The following CROCC variants were observed in gnomAD, a reference collection of about 807,000 sequenced individuals.
CROCC encodes rootletin.
In CROCC, 180 loss-of-function variants were observed where a neutral mutation model predicts 245.2. The ratio of observed to expected loss-of-function variants is 0.73; its 90% confidence interval spans 0.65 to 0.83. The LOEUF (loss-of-function observed/expected upper bound fraction) is 0.83. Among genes scored for constraint, CROCC ranks in the 40% least tolerant of loss-of-function variants. The probability of loss-of-function intolerance (pLI) is 0.00; values close to 1 mark genes in which losing one functional copy is unlikely to be tolerated. For synonymous variants in CROCC, 1,205 were observed against 1,241.6 expected (o/e 0.97, Z 0.62); for missense variants, 2,688 against 2,779.4 (o/e 0.97, Z 0.74).
chr1:16,971,244 T>C (rs1373716992), intron 35 of CROCC, among the ~76,000 whole-genome samples: 1 of 150,676 alleles, frequency 6.6e-6, no homozygotes, highest in East Asian at 1.9e-4. Context: ...TGTGTGTGTG[T>C]GTGTGTGTCC....
chr1:16,960,867 T>C lies in CROCC; in HGVS notation c.4142T>C (p.Leu1381Pro). The C allele has an allele frequency of 6.6e-7, 1 of 1,516,936 alleles. No homozygotes were observed. Among genetic ancestry groups the C allele is most frequent in the Non-Finnish European group, 8.8e-7 (1 of 1,138,976 alleles). 94.0% of individuals were successfully genotyped at this position (1,516,936 alleles called of 1,614,324 possible). A position where few individuals can be genotyped will look rare whatever the true frequency, so the allele number is the denominator to read the frequency against. ...EEARGTEKQQLDHARGLELKL... is the reference protein window; with the variant it reads ...EEARGTEKQQPDHARGLELKL... ...GCGCGTGGCACTGAAAAGCAGCAGC[T>C]GGACCACGCCCGCGGCCTGGAGCTG... Residue 1381 changes from leucine to proline, a missense_variant, in exon 27 of 37, where the codon CTG becomes CCG. Leu to Pro is a moderately conservative substitution (Grantham distance 98, BLOSUM62 -3). Transcript: ENST00000375541.
At chr1:16,970,883 C>T in intron 35 of CROCC, 116 bp downstream of exon 35, 1 of 1,279,544 alleles carries the variant, frequency 7.8e-7, no homozygotes, top group Non-Finnish European at 1.0e-6. Context: ...CCCCAGGAGC[C>T]CTGAGCCTTC....
intron 11 of CROCC, 149 bp from the exon 12 acceptor site, chr1:16,938,760 C>A: frequency 1.2e-6 from 1 of 843,076 alleles, no homozygotes. Flanking sequence ...GAGGACTGAG[C>A]TAGTGGAGGA....
chr1:16,928,156 G>A lies in CROCC; in HGVS notation c.352-1690G>A, dbSNP rs1318700971. On this transcript the variant is annotated intron_variant, in intron 3 of 36. Transcript: ENST00000375541. ...GCACGGGTGGGCTTTTGAATGCCCT[G>A]CCTGGGCTGTAGCAGGCCAGGTCCT... Among the ~76,000 whole-genome samples the A allele has an allele frequency of 5.3e-5, 8 of 152,290 alleles. No individual in the cohort carries two copies. In the South Asian group the frequency reaches 1.4e-3, roughly 28 times the overall value.
Position 16,971,583 on chromosome 1 carries a change from C to G in CROCC, c.5903C>G (p.Thr1968Ser). 1 of 1,532,970 alleles carries G rather than the reference C, an allele frequency of 6.5e-7. No individual in the cohort carries two copies. Among genetic ancestry groups the G allele is most frequent in the Non-Finnish European group, 8.7e-7 (1 of 1,142,968 alleles). 95.0% of individuals were successfully genotyped at this position (1,532,970 alleles called of 1,614,324 possible). Residue 1968 changes from threonine (T) to serine (S), a missense_variant, in exon 36 of 37, where the codon ACT becomes AGT. By Grantham distance (58) the Thr-to-Ser change is moderately conservative. Transcript: ENST00000375541. Reference protein sequence around the residue: ...VERLRSAQAQTERTLEARERA... With the variant: ...VERLRSAQAQSERTLEARERA... ...CGGCTGCGCAGCGCCCAGGCGCAGACTGAGCGCACCCTGGAGGCTCGGGAG... is the reference window on the plus strand; with the variant it reads ...CGGCTGCGCAGCGCCCAGGCGCAGAGTGAGCGCACCCTGGAGGCTCGGGAG...
chr1:16,930,952 T>A (rs2075662846), intron 7 of CROCC, among the ~76,000 whole-genome samples: 1 of 152,280 alleles, frequency 6.6e-6, no homozygotes, highest in South Asian at 2.1e-4. Context: ...CAAGACTCTG[T>A]CTCCAAATAA....
intron 15 of CROCC, 115 bp from the exon 16 acceptor site, chr1:16,946,144 C>T: frequency 3.3e-6 from 4 of 1,217,162 alleles, no homozygotes; most frequent in Non-Finnish European, 4.5e-6. Flanking sequence ...TGTGTCCCCT[C>T]CTTGTCTCCC....
At chr1:16,925,155 G>T (rs1309390994) in intron 3 of CROCC, among the ~76,000 whole-genome samples, 1 of 152,258 alleles carries the variant, frequency 6.6e-6, no homozygotes, top group East Asian at 1.9e-4. Flanking sequence ...AGGTGGCCCT[G>T]GGAAGTTGGT....
chr1:16,921,410 C>T (rs1429793265), upstream of CROCC, among the ~76,000 whole-genome samples: 2 of 152,404 alleles, frequency 1.3e-5, no homozygotes, highest in African/African-American at 4.8e-5. Flanking sequence ...CTCATCAGTC[C>T]AGGCTGGACC....
chr1:16,915,728 C>CG (rs1310863016), intron 1 of CROCC, among the ~76,000 whole-genome samples: 1 of 152,064 alleles, frequency 6.6e-6, no homozygotes, highest in Non-Finnish European at 1.5e-5. Context: ...AGCTGAGAGT[C>CG]GGGGTAGCTC....
chr1:16,960,795 G>A lies in CROCC; in HGVS notation c.4070G>A (p.Gly1357Asp), dbSNP rs752625020. Residue 1357 changes from glycine (G) to aspartate (D), a missense_variant, in exon 27 of 37, where the codon GGC becomes GAC. Gly to Asp is a moderately conservative substitution (Grantham distance 94). Coordinates refer to ENST00000375541, the MANE Select transcript of CROCC (RefSeq NM_014675.5). ...CAGCGGAAGCTGCAGGAACAAGAAG[G>A]CGAGTTCCGGACCCGCGAGCGACGC... ...VAQRKLQEQE[G>D]EFRTRERRLL... 1.6e-5 allele frequency: 25 copies of A among 1,538,240 alleles called. No homozygotes were observed. The African/African-American group carries it at 3.3e-4, about 21-fold the overall frequency.
At chr1:16,927,025 C>T (rs1357138428) in intron 3 of CROCC, among the ~76,000 whole-genome samples, 5 of 152,240 alleles carry the variant, frequency 3.3e-5, no homozygotes, top group African/African-American at 9.6e-5. Flanking sequence ...CGGCCTGAAC[C>T]CCTCTGTGTC....
chr1:16,966,964 A>G lies in CROCC; in HGVS notation c.4860+393A>G, dbSNP rs2076428089. Among the ~76,000 whole-genome samples, 1 of 152,040 alleles carries G rather than the reference A, an allele frequency of 6.6e-6. No homozygotes were observed. The highest frequency in any genetic ancestry group is 6.6e-5 in the Admixed American group (1 of 15,254). On this transcript the variant is annotated intron_variant, in intron 30 of 36. Transcript: ENST00000375541. This position sits in a 1 kb window ranked among gnomAD's most constrained non-coding sequence, Gnocchi z 4.8. Reference sequence around the variant, plus strand: ...CAGCTACTCGGGAGGCTGAGGTGGGAAGATCACTGGAGCCCGGTAGGTCGA... The same window carrying G: ...CAGCTACTCGGGAGGCTGAGGTGGGGAGATCACTGGAGCCCGGTAGGTCGA...
chr1:16,970,604 G>A (rs1232295343), intron 34 of CROCC, 32 bp from the exon 35 acceptor site: 6 of 1,508,310 alleles, frequency 4.0e-6, no homozygotes, highest in Middle Eastern at 1.8e-4. Flanking sequence ...GCTCCTCCTG[G>A]CACCCTGATC....
At chr1:16,915,941 G>A (rs1047494942) in intron 1 of CROCC, among the ~76,000 whole-genome samples, 59 of 152,274 alleles carry the variant, frequency 3.9e-4, no homozygotes, top group Non-Finnish European at 7.1e-4. Flanking sequence ...CACTTTGGGA[G>A]GCTAAGGTGG....
intron 19 of CROCC, among the ~76,000 whole-genome samples, chr1:16,950,061 G>A (rs894090095): frequency 2.6e-5 from 4 of 151,476 alleles, no homozygotes; most frequent in Admixed American, 6.6e-5. Context: ...GAGCCATCAC[G>A]CCCAGCCTGT....
intron 10 of CROCC, 50 bp from the exon 11 acceptor site, chr1:16,938,350 C>T: frequency 6.7e-7 from 1 of 1,498,708 alleles, no homozygotes; most frequent in Non-Finnish European, 9.0e-7. Context: ...GGGGAGGTTT[C>T]AGATAAGACA....
intron 8 of CROCC, among the ~76,000 whole-genome samples, chr1:16,932,214 C>A (rs377015530): frequency 1.3e-5 from 2 of 152,228 alleles, no homozygotes; most frequent in Admixed American, 6.5e-5. Flanking sequence ...GAGGCCGAGG[C>A]GGGTGGATCA....
chr1:16,964,618 C>T (rs183667682), intron 27 of CROCC, among the ~76,000 whole-genome samples: 10 of 152,196 alleles, frequency 6.6e-5, no homozygotes, highest in South Asian at 6.2e-4. Context: ...CTGCTGACCT[C>T]GTGATCTGCC....
Sources: gnomAD v4.1 joint callset for allele counts (sites outside exome capture counted in the v4.1 genomes callset) on GRCh38, gnomAD v4.1.1 for gene constraint, Gnocchi (gnomAD v3.1) non-coding constraint, MANE v1.5 for transcripts, NCBI Gene and HGNC (gene_info 2026-07-23, HGNC 2026-07-21) for gene names.